OS9: variants seen among roughly 807,000 people sequenced by gnomAD.
OS9 encodes the protein OS9 endoplasmic reticulum lectin.
Under a neutral mutation model 84.7 loss-of-function variants are expected in OS9, and 58 were observed. The ratio of observed to expected loss-of-function variants is 0.68; its 90% confidence interval spans 0.55 to 0.85. OS9 has a LOEUF of 0.85. OS9 is among the 40% of genes least tolerant of loss of function. The probability of loss-of-function intolerance (pLI) is 0.00; values close to 1 mark genes in which losing one functional copy is unlikely to be tolerated. For missense variants in OS9, 760 were observed against 850.9 expected (o/e 0.89, Z 1.33); for synonymous variants, 278 against 320.8 (o/e 0.87, Z 1.43).
At chr12:57,698,085 G>A (rs889588088) in intron 5 of OS9, among the ~76,000 whole-genome samples, 16 of 152,118 alleles carry the variant, frequency 1.1e-4, no homozygotes, top group African/African-American at 3.6e-4. Context: ...TAAGCTCTGG[G>A]AAGGCAGGGA....
intron 5 of OS9, among the ~76,000 whole-genome samples, chr12:57,706,829 A>T (rs1425295104): frequency 1.4e-5 from 2 of 143,504 alleles, no homozygotes; most frequent in African/African-American, 2.6e-5. Context: ...AGCCTGGGTG[A>T]CAGAGCATGA....
intron 5 of OS9, among the ~76,000 whole-genome samples, chr12:57,701,788 G>GTTGGT (rs1954033542): frequency 6.7e-6 from 1 of 150,340 alleles, no homozygotes; most frequent in Admixed American, 6.6e-5. Context: ...TCAATTTTTT[G>GTTGGT]TTTGTTTTGT....
In OS9 at chr12:57,716,761, T is replaced by C; in HGVS notation, c.1045+17T>C. 5 of 1,609,344 alleles carry C rather than the reference T, an allele frequency of 3.1e-6. No homozygotes were observed. The highest frequency in any genetic ancestry group is 4.3e-6 in the Non-Finnish European group (5 of 1,175,646). The stretch of plus-strand genomic sequence containing the variant: ...CTCCCAATGGTGAGTGAACCTTCCA[T>C]GTCTCCTTTACTGAATATATTTTAG... On this transcript the variant is annotated intron_variant, in intron 9 of 14. Transcript: ENST00000315970.
In OS9 at chr12:57,694,186, A is replaced by T; in HGVS notation, c.25A>T (p.Ser9Cys). The T allele has an allele frequency of 6.2e-7, 1 of 1,614,168 alleles. No homozygotes were observed. Among genetic ancestry groups the T allele is most frequent in the Non-Finnish European group, 8.5e-7 (1 of 1,180,018 alleles). Residue 9 changes from serine to cysteine, a missense_variant, in exon 1 of 15, where the codon AGT becomes TGT. Coordinates refer to ENST00000315970, the MANE Select transcript of OS9 (RefSeq NM_006812.4). MAAETLLS[S>C]LLGLLLLGLL... ...GATGGCGGCGGAAACGCTGCTGTCC[A>T]GTTTGTTAGGACTGCTGCTTCTGGG...
At chr12:57,701,641 A>C (rs974327548) in intron 5 of OS9, among the ~76,000 whole-genome samples, 1 of 152,038 alleles carries the variant, frequency 6.6e-6, no homozygotes, top group Non-Finnish European at 1.5e-5. Flanking sequence ...CTGTTGATAA[A>C]CAGTTGGGTT....
intron 5 of OS9, among the ~76,000 whole-genome samples, chr12:57,702,563 C>T (rs1039083623): frequency 2.6e-5 from 4 of 152,122 alleles, no homozygotes; most frequent in African/African-American, 9.7e-5. Flanking sequence ...CTGTTTGAGT[C>T]CTGTTTTCAA....
At position 57,695,842 on chromosome 12, in the gene OS9, A is replaced by C; in HGVS notation, c.402A>C (p.Glu134Asp). The C allele has an allele frequency of 6.2e-7, 1 of 1,608,628 alleles. No homozygotes were observed. Among genetic ancestry groups the C allele is most frequent in the Non-Finnish European group, 8.5e-7 (1 of 1,174,970 alleles). Residue 134 changes from glutamate to aspartate, a missense_variant and splice_region_variant, in exon 3 of 15, where the codon GAA becomes GAC. Physicochemically the swap from Glu to Asp is conservative, Grantham distance 45. Coordinates refer to ENST00000315970, the MANE Select transcript of OS9 (RefSeq NM_006812.4). ...GCCACATCCAGCAATACCACATGGA[A>C]GGTAACTCACTCCTATATTTTCCTT... is the stretch of plus-strand genomic sequence containing the variant. ...YGRHIQQYHM[E>D]DSEIKGEVLY...
rs764433978 is a variant in OS9, at chr12:57,715,927, C to G, written c.747C>G (p.Ser249=). The stretch of plus-strand genomic sequence containing the variant: ...CGCAGGCCATCCTCTGTCACCCTTC[C>G]CTACAGCCTGAGGAGTACATGGCCT... The part of the protein sequence containing the change: ...AAPQAILCHP[S]LQPEEYMAYV... The change falls in exon 6 of 15, where the codon TCC becomes TCG. Residue 249 remains serine (S), a synonymous_variant. Transcript: ENST00000315970. The G allele has an allele frequency of 6.2e-7, 1 of 1,613,384 alleles. No homozygotes were observed. The highest frequency in any genetic ancestry group is 1.1e-5 in the South Asian group (1 of 90,898).
At chr12:57,696,215 C>A in intron 4 of OS9, 60 bp from the exon 5 acceptor site, 1 of 1,403,050 alleles carries the variant, frequency 7.1e-7, no homozygotes, top group Non-Finnish European at 1.0e-6. Flanking sequence ...GGACGCAGTG[C>A]CATCCTTCCT....
rs762869267 is a variant in OS9, at chr12:57,718,137, C to T, written c.1135-9C>T. ...CAACTGTCTTTCTCCCCACTCCCTA[C>T]CCACCCAGGGGAAGCCAAATATAGG... On this transcript the variant is annotated splice_polypyrimidine_tract_variant and intron_variant, in intron 10 of 14. Transcript: ENST00000315970. 1 of 1,611,536 alleles carries T rather than the reference C, an allele frequency of 6.2e-7. No homozygotes were observed. Among genetic ancestry groups the T allele is most frequent in the Admixed American group, 1.7e-5 (1 of 59,852 alleles).
At chr12:57,695,898 C>G in intron 3 of OS9, 55 bp downstream of exon 3, 1 of 1,559,622 alleles carries the variant, frequency 6.4e-7, no homozygotes, top group Non-Finnish European at 8.8e-7. Context: ...TGGAAGTTCC[C>G]CAGTTCCCTC....
Position 57,718,991 on chromosome 12 carries a change from A to G in OS9, c.1411-2A>G, listed in dbSNP as rs1338694102. The G allele has an allele frequency of 1.2e-6, 2 of 1,612,004 alleles. No homozygotes were observed. The highest frequency in any genetic ancestry group is 1.7e-6 in the Non-Finnish European group (2 of 1,178,930). On this transcript the variant is annotated splice_acceptor_variant, in intron 11 of 14. Coordinates refer to ENST00000315970, the MANE Select transcript of OS9 (RefSeq NM_006812.4). LOFTEE classifies it high-confidence loss of function. ...CTCACTCTCTTCTCTTGGGTATTCC[A>G]GACAGAGAAAGAGCTGGACCCAGAT...
Position 57,716,412 on chromosome 12 carries a change from G to T in OS9, c.893G>T (p.Gly298Val). The change falls in exon 8 of 15, where the codon GGT becomes GTT. Residue 298 changes from glycine to valine, a missense_variant and splice_region_variant. By Grantham distance (109) the Gly-to-Val change is moderately radical. Coordinates refer to ENST00000315970, the MANE Select transcript of OS9 (RefSeq NM_006812.4). ...KSGVAPQKMA[G>V]ASPTKDDSKD... ...TCTCTCCCTGTTCTCTGTACCCTAG[G>T]TGCGAGCCCGACCAAGGATGACAGT... 6.4e-7 allele frequency: 1 copy of T among 1,554,016 alleles called. No homozygotes were observed. The highest frequency in any genetic ancestry group is 8.7e-7 in the Non-Finnish European group (1 of 1,147,872).
intron 5 of OS9, among the ~76,000 whole-genome samples, chr12:57,710,061 C>T (rs1243832404): frequency 6.6e-6 from 1 of 152,096 alleles, no homozygotes; most frequent in Non-Finnish European, 1.5e-5. Context: ...CCATGTTGGC[C>T]AGGCTGGTCT....
intron 5 of OS9, among the ~76,000 whole-genome samples, chr12:57,713,791 G>A (rs1307013397): frequency 1.3e-5 from 2 of 151,516 alleles, no homozygotes; most frequent in African/African-American, 2.4e-5. Context: ...CATAGATTGA[G>A]GGAGCATGTC....
intron 5 of OS9, among the ~76,000 whole-genome samples, chr12:57,703,877 G>T (rs915142528): frequency 1.3e-5 from 2 of 152,024 alleles, no homozygotes; most frequent in East Asian, 3.9e-4. Flanking sequence ...GGCTGTCCTT[G>T]TCTTGTTCCT....
chr12:57,716,606 C>G, intron 8 of OS9, 87 bp from the exon 9 acceptor site: 1 of 1,508,574 alleles, frequency 6.6e-7, no homozygotes, highest in Admixed American at 1.7e-5. Context: ...CCTAGGGATG[C>G]AAGGATATCC....
intron 5 of OS9, among the ~76,000 whole-genome samples, chr12:57,714,332 G>A (rs1300795414): frequency 1.3e-5 from 2 of 151,938 alleles, no homozygotes; most frequent in Non-Finnish European, 2.9e-5. Flanking sequence ...TCAGCCTCCC[G>A]AGTAGCTGGG....
rs765995040 is a variant in OS9, at chr12:57,697,920, CACAT to C, written c.579+1551_579+1554del. Among the ~76,000 whole-genome samples the C allele has an allele frequency of 1.7e-3, 134 of 81,126 alleles. 2 individuals are homozygous for C. The highest frequency in any genetic ancestry group is 5.7e-3 in the African/African-American group (126 of 22,064). The allele number at this position is 81,126 out of a possible 152,430, so 53.2% of individuals were successfully genotyped here. ...CCTAACATAAGCAAACACACACACACACATACACACACACACACACACACACACA... is the reference window on the plus strand; with the variant it reads ...CCTAACATAAGCAAACACACACACACACACACACACACACACACACACACA... On this transcript the variant is annotated intron_variant, in intron 5 of 14. Transcript: ENST00000315970.
Sources: allele counts gnomAD v4.1 joint callset (sites outside exome capture counted in the v4.1 genomes callset), GRCh38; gene constraint gnomAD v4.1.1; transcripts MANE v1.5; gene names NCBI Gene and HGNC (gene_info 2026-07-23, HGNC 2026-07-21).